Variants in LIMCH1 observed in about 807,000 individuals in gnomAD.
LIMCH1 encodes LIM and calponin homology domains 1, also known as LIM and calponin homology domains-containing protein 1.
A neutral mutation model predicts 176.5 loss-of-function variants in LIMCH1; 113 were observed. The observed-to-expected ratio is 0.64, with a 90% CI of 0.55 to 0.75. The LOEUF (loss-of-function observed/expected upper bound fraction) is 0.75. Ranked by LOEUF, LIMCH1 falls within the 30% of genes least tolerant of loss-of-function variation. LIMCH1 has a pLI of 0.00. For synonymous variants in LIMCH1, 619 were observed against 645.9 expected, an observed-to-expected ratio of 0.96 and a Z score of 0.63; for missense variants, 1,674 against 1,814.9, an observed-to-expected ratio of 0.92 and a Z score of 1.41.
chr4:41,662,917 A>G lies in LIMCH1; in HGVS notation c.3224A>G (p.Glu1075Gly), dbSNP rs201558036. The change falls in exon 20 of 32, where the codon GAA becomes GGA. Residue 1075 changes from glutamate (E) to glycine (G), a missense_variant. Physicochemically the swap from Glu to Gly is moderately conservative, Grantham distance 98 (BLOSUM62 -2). Around this residue, in one of 3 missense-constraint regions of LIMCH1, gnomAD observed 1,015 missense variants for 1,102.5 expected, o/e 0.92. Coordinates refer to ENST00000503057, the MANE Select transcript of LIMCH1 (RefSeq NM_001330672.2). ...SSPQLKNDVS[E>G]EKDQKKPENE... ...CCCCAGCTGAAGAATGATGTGTCGG[A>G]AGAAAAAGACCAGAAGAAACCAGAA... 4 of 1,614,010 alleles carry G rather than the reference A, an allele frequency of 2.5e-6. No individual in the cohort carries two copies. The African/African-American group carries it at 5.3e-5, about 22-fold the overall frequency.
rs150113298 is a variant in LIMCH1, at chr4:41,544,084, C to G, written c.-241+5734C>G. ...TGTCTTTATATTTCAGATACCCCCC[C>G]ACCCCCACCAAGCCTTCTCAATTCC... is the stretch of plus-strand genomic sequence containing the variant. On this transcript the variant is annotated intron_variant, in intron 1 of 31. Transcript: ENST00000503057. Among the ~76,000 whole-genome samples, 233 of 152,146 alleles carry G rather than the reference C, an allele frequency of 1.5e-3. 1 individual carries two copies. The highest frequency in any genetic ancestry group is 4.9e-3 in the African/African-American group (203 of 41,488).
intron 1 of LIMCH1, among the ~76,000 whole-genome samples, chr4:41,563,499 T>C (rs1386487153): frequency 6.6e-6 from 1 of 152,186 alleles, no homozygotes; most frequent in African/African-American, 2.4e-5. Context: ...TTTTAGTATT[T>C]TTCCTACACA....
intron 18 of LIMCH1, among the ~76,000 whole-genome samples, chr4:41,660,754 T>C (rs917449093): frequency 6.6e-6 from 1 of 152,168 alleles, no homozygotes; most frequent in Non-Finnish European, 1.5e-5. Context: ...GAGAATGTAA[T>C]GGTGAATCCA....
chr4:41,410,398 C>G (rs774454157), intron 1 of LIMCH1, among the ~76,000 whole-genome samples: 18 of 152,204 alleles, frequency 1.2e-4, no homozygotes, highest in Non-Finnish European at 2.1e-4. Flanking sequence ...TTGCACTCCT[C>G]TCAGTTTACT....
intron 3 of LIMCH1, among the ~76,000 whole-genome samples, chr4:41,533,012 G>A (rs184064426): frequency 6.6e-6 from 1 of 152,204 alleles, no homozygotes; most frequent in East Asian, 1.9e-4. Context: ...TAGAACTTCC[G>A]TTTCTAAGCT....
intron 27 of LIMCH1, among the ~76,000 whole-genome samples, chr4:41,685,027 G>A (rs1239328604): frequency 6.6e-6 from 1 of 152,138 alleles, no homozygotes; most frequent in Non-Finnish European, 1.5e-5. Flanking sequence ...TCTACATGCC[G>A]AGGGTCTTCA....
At chr4:41,444,508 C>T (rs973605116) in intron 1 of LIMCH1, among the ~76,000 whole-genome samples, 2 of 152,178 alleles carry the variant, frequency 1.3e-5, no homozygotes, top group African/African-American at 2.4e-5. Flanking sequence ...TGGTTGGCGT[C>T]AGGCCGTGCC....
At chr4:41,517,916 G>T (rs1156315182) in intron 2 of LIMCH1, among the ~76,000 whole-genome samples, 1 of 151,982 alleles carries the variant, frequency 6.6e-6, no homozygotes, top group Non-Finnish European at 1.5e-5. Context: ...AATTAAAAGG[G>T]ACACAAAGTG....
chr4:41,615,568 T>A (rs1209796133), intron 5 of LIMCH1, among the ~76,000 whole-genome samples: 4 of 152,206 alleles, frequency 2.6e-5, no homozygotes, highest in Admixed American at 2.6e-4. Flanking sequence ...AATCAAGACC[T>A]AATGAGATTC....
At chr4:41,388,597 A>G (rs1305947486) in intron 1 of LIMCH1, among the ~76,000 whole-genome samples, 1 of 152,182 alleles carries the variant, frequency 6.6e-6, no homozygotes, top group Non-Finnish European at 1.5e-5. Flanking sequence ...ATGGAATTGG[A>G]CTTTTACAAT....
intron 1 of LIMCH1, among the ~76,000 whole-genome samples, chr4:41,557,475 T>G (rs1375209166): frequency 1.3e-5 from 2 of 152,030 alleles, no homozygotes; most frequent in Non-Finnish European, 2.9e-5. Flanking sequence ...CTGATGCTTT[T>G]TCTTGCAATA....
intron 1 of LIMCH1, among the ~76,000 whole-genome samples, chr4:41,467,806 C>T (rs916147527): frequency 1.3e-5 from 2 of 152,156 alleles, no homozygotes; most frequent in Middle Eastern, 3.2e-3. Context: ...GCAGTTCTAC[C>T]AGAAAACAGA....
At chr4:41,694,093 T>C (rs1381318149) in intron 31 of LIMCH1, among the ~76,000 whole-genome samples, 1 of 152,170 alleles carries the variant, frequency 6.6e-6, no homozygotes, top group Non-Finnish European at 1.5e-5. Flanking sequence ...ATGGAGTTCC[T>C]GTAATCAGCT....
chr4:41,384,650 G>A (rs10016429), intron 1 of LIMCH1, among the ~76,000 whole-genome samples: 4,603 of 152,302 alleles, frequency 0.03, 246 homozygotes, highest in African/African-American at 0.1. Context: ...AGTGGCATTT[G>A]CTGAGATTTG....
At chr4:41,656,538 A>G (rs2094468639) in intron 18 of LIMCH1, among the ~76,000 whole-genome samples, 1 of 152,134 alleles carries the variant, frequency 6.6e-6, no homozygotes, top group Non-Finnish European at 1.5e-5. Context: ...TTTTAATTTG[A>G]AAAGTTTAGT....
intron 1 of LIMCH1, among the ~76,000 whole-genome samples, chr4:41,559,426 C>G (rs959200166): frequency 6.6e-6 from 1 of 152,000 alleles, no homozygotes; most frequent in African/African-American, 2.4e-5. Context: ...CATTTTCAAC[C>G]CCTCATCTTA....
chr4:41,428,491 C>A (rs915318937), intron 1 of LIMCH1, among the ~76,000 whole-genome samples: 1 of 152,082 alleles, frequency 6.6e-6, no homozygotes, highest in African/African-American at 2.4e-5. Flanking sequence ...ATGAGAAGAG[C>A]TGATAGGGAG....
Position 41,419,677 on chromosome 4 carries a change from CTTCCTCCTTCCT to C in LIMCH1, c.96+58743_96+58754del, listed in dbSNP as rs773820401. ...CCTTCCTTCCTTCCTTCCTTCCTTC[CTTCCTCCTTCCT>C]TCCTTCCTTCCTTCCTTCCTTCCTT... is the stretch of plus-strand genomic sequence containing the variant. On this transcript the variant is annotated intron_variant, in intron 1 of 26. Coordinates refer to the LIMCH1 transcript ENST00000313860. Among the ~76,000 whole-genome samples, 51 of 74,394 alleles carry C rather than the reference CTTCCTCCTTCCT, an allele frequency of 6.9e-4. 3 individuals carry two copies. The highest frequency in any genetic ancestry group is 4.2e-3 in the Admixed American group (26 of 6,154). 48.8% of individuals were successfully genotyped at this position (74,394 alleles called of 152,430 possible).
At chr4:41,549,207 C>A (rs2080036292) in intron 1 of LIMCH1, among the ~76,000 whole-genome samples, 1 of 152,016 alleles carries the variant, frequency 6.6e-6, no homozygotes, top group Non-Finnish European at 1.5e-5. Flanking sequence ...ATATTAACTA[C>A]CATTTATTTA....
Sources: allele counts gnomAD v4.1 joint callset (sites outside exome capture counted in the v4.1 genomes callset), GRCh38; gene constraint gnomAD v4.1.1; regional missense constraint gnomAD v4.1.1; transcripts MANE v1.5; gene names NCBI Gene and HGNC (gene_info 2026-07-23, HGNC 2026-07-21).